Variants in TAF2 observed in about 807,000 individuals in gnomAD.
The protein encoded by TAF2 is transcription initiation factor TFIID subunit 2.
TAF2 carries 61 observed loss-of-function variants against 138.5 expected under a neutral mutation model. The ratio of observed to expected loss-of-function variants is 0.44; its 90% CI spans 0.36 to 0.54. The LOEUF is 0.54. TAF2 is among the 20% of genes least tolerant of loss of function. The pLI, the probability that TAF2 is intolerant of heterozygous loss-of-function variation, is 0.00. For missense variants in TAF2, 1,090 were observed against 1,427.9 expected (o/e 0.76, Z 3.81); for synonymous variants, 475 against 469.9 (o/e 1.01, Z -0.14).
intron 22 of TAF2, 123 bp from the exon 23 acceptor site, chr8:119,747,057 C>T: frequency 2.0e-6 from 2 of 1,004,426 alleles, no homozygotes; most frequent in South Asian, 1.4e-5. Flanking sequence ...CACCTTTCAT[C>T]TTACAAAATG....
chr8:119,760,816 C>T, intron 19 of TAF2, 78 bp from the exon 20 acceptor site: 1 of 1,582,542 alleles, frequency 6.3e-7, no homozygotes, highest in Non-Finnish European at 8.6e-7. Context: ...ATTAGAGAAT[C>T]CTTTGTGGCA....
intron 25 of TAF2, among the ~76,000 whole-genome samples, chr8:119,737,421 T>C (rs957781738): frequency 3.9e-5 from 6 of 152,072 alleles, no homozygotes; most frequent in African/African-American, 1.2e-4. Context: ...CCAATTATTA[T>C]TGAAGCTGAG....
intron 2 of TAF2, among the ~76,000 whole-genome samples, chr8:119,822,781 C>T (rs1343239545): frequency 6.6e-6 from 1 of 152,204 alleles, no homozygotes; most frequent in Non-Finnish European, 1.5e-5. Flanking sequence ...CCCAGTCCTC[C>T]TGTTCAACTG....
intron 17 of TAF2, among the ~76,000 whole-genome samples, chr8:119,779,357 T>TA (rs1003148035): frequency 3.4e-4 from 51 of 150,264 alleles, no homozygotes; most frequent in East Asian, 7.8e-4. Flanking sequence ...CTGTTTTATT[T>TA]AAAAAAAAAA....
chr8:119,770,594 A>G (rs1821760588), intron 18 of TAF2, among the ~76,000 whole-genome samples: 1 of 152,176 alleles, frequency 6.6e-6, no homozygotes, highest in Non-Finnish European at 1.5e-5. Context: ...TGCTCAAAGG[A>G]GTTCTAAATA....
chr8:119,817,688 A>G (rs1377957643), intron 3 of TAF2, among the ~76,000 whole-genome samples: 1 of 152,178 alleles, frequency 6.6e-6, no homozygotes, highest in Non-Finnish European at 1.5e-5. Context: ...ATTAGTAAAA[A>G]AGATGTACAG....
At chr8:119,817,522 A>C (rs775061995) in intron 3 of TAF2, among the ~76,000 whole-genome samples, 1 of 152,230 alleles carries the variant, frequency 6.6e-6, no homozygotes, top group South Asian at 2.1e-4. Flanking sequence ...TAGAACACTA[A>C]AAGTAATGAG....
intron 16 of TAF2, among the ~76,000 whole-genome samples, chr8:119,781,674 C>T (rs1487966269): frequency 6.7e-6 from 1 of 150,270 alleles, no homozygotes; most frequent in Non-Finnish European, 1.5e-5. Flanking sequence ...GACAGACTCT[C>T]TCCAAAAAAA....
chr8:119,784,061 C>A (rs1166892769), intron 15 of TAF2, among the ~76,000 whole-genome samples: 2 of 152,130 alleles, frequency 1.3e-5, no homozygotes, highest in Admixed American at 1.3e-4. Context: ...TTTCAAACAG[C>A]AAGTTCTGAA....
At chr8:119,732,917 G>A (rs1257913666) in intron 25 of TAF2, among the ~76,000 whole-genome samples, 4 of 152,100 alleles carry the variant, frequency 2.6e-5, no homozygotes, top group African/African-American at 9.7e-5. Flanking sequence ...TGACAGTACA[G>A]TTGACCCTTG....
intron 21 of TAF2, among the ~76,000 whole-genome samples, chr8:119,756,995 T>C (rs1261873454): frequency 3.9e-5 from 6 of 152,044 alleles, no homozygotes; most frequent in Non-Finnish European, 7.4e-5. Context: ...AAGAAAGAAA[T>C]TGGGTTGTAA....
Position 119,800,431 on chromosome 8 carries a change from T to C in TAF2, c.792+1363A>G, listed in dbSNP as rs1452409986. On this transcript the variant is annotated intron_variant, in intron 6 of 25. Transcript: ENST00000378164. ...TTCCCCATTTCTTGTTTTTATCAGG[T>C]TTGTCAAAGATCAGATGGTTGTAGA... Among the ~76,000 whole-genome samples the C allele has an allele frequency of 2.6e-5, 4 of 152,168 alleles. No individual in the cohort carries two copies. In the East Asian group the frequency reaches 7.7e-4, roughly 29 times the overall value.
chr8:119,803,569 G>C (rs1277041860), intron 5 of TAF2, among the ~76,000 whole-genome samples: 1 of 151,994 alleles, frequency 6.6e-6, no homozygotes, highest in African/African-American at 2.4e-5. Flanking sequence ...GTGAATGCCT[G>C]TAATACCAGC....
intron 2 of TAF2, among the ~76,000 whole-genome samples, chr8:119,823,101 T>C (rs1825889153): frequency 6.6e-6 from 1 of 152,228 alleles, no homozygotes; most frequent in African/African-American, 2.4e-5. Flanking sequence ...TTCTGTAGAA[T>C]TTTTTCCGTG....
At position 119,731,516 on chromosome 8, in the gene TAF2, CCA is replaced by C. The variant is rs574556986; in HGVS notation, c.*406_*407del. On this transcript the variant is annotated 3_prime_UTR_variant, in exon 26 of 26. Coordinates refer to ENST00000378164, the MANE Select transcript of TAF2 (RefSeq NM_003184.4). Reference sequence around the variant, plus strand: ...TATTTCACTGGAGATAGTGGTTGCACCACAGATTTGGCAGTTGCTTCTGTGTA... The same window carrying C: ...TATTTCACTGGAGATAGTGGTTGCACCAGATTTGGCAGTTGCTTCTGTGTA... 76 of 232,318 alleles carry C rather than the reference CCA, an allele frequency of 3.3e-4. No individual in the cohort carries two copies. Among genetic ancestry groups the C allele is most frequent in the African/African-American group, 1.5e-3 (68 of 43,934 alleles). 14.4% of individuals were successfully genotyped at this position (232,318 alleles called of 1,614,324 possible).
intron 22 of TAF2, among the ~76,000 whole-genome samples, chr8:119,754,749 T>C (rs1820584885): frequency 6.6e-6 from 1 of 152,230 alleles, no homozygotes; most frequent in Non-Finnish European, 1.5e-5. Context: ...TCTTGCTCTC[T>C]TTAAGCAAAA....
chr8:119,768,284 C>T (rs1297133095), intron 18 of TAF2, among the ~76,000 whole-genome samples: 3 of 152,356 alleles, frequency 2.0e-5, no homozygotes, highest in East Asian at 3.9e-4. Flanking sequence ...CATTTACAGG[C>T]TCTGGGCTTG....
At chr8:119,822,582 T>A (rs1825862803) in intron 2 of TAF2, among the ~76,000 whole-genome samples, 1 of 152,198 alleles carries the variant, frequency 6.6e-6, no homozygotes, top group Non-Finnish European at 1.5e-5. Flanking sequence ...AATATAGATA[T>A]GTCTGATCCA....
At chr8:119,767,949 AG>A (rs1586370179) in intron 18 of TAF2, among the ~76,000 whole-genome samples, 1 of 152,186 alleles carries the variant, frequency 6.6e-6, no homozygotes, top group Non-Finnish European at 1.5e-5. Flanking sequence ...CCTCGAGGCC[AG>A]GGAGAGAGGG....
Sources: gnomAD v4.1 joint callset for allele counts (sites outside exome capture counted in the v4.1 genomes callset) on GRCh38, gnomAD v4.1.1 for gene constraint, MANE v1.5 for transcripts, NCBI Gene and HGNC (gene_info 2026-07-23, HGNC 2026-07-21) for gene names.